RBFOX1: variants seen among roughly 807,000 people sequenced by gnomAD.
RBFOX1 encodes RNA binding protein fox-1 homolog 1.
In RBFOX1, 8 loss-of-function variants were observed where a neutral mutation model predicts 57.7. That is an observed-to-expected ratio of 0.14 (90% confidence interval 0.08 to 0.25). The LOEUF (loss-of-function observed/expected upper bound fraction) is 0.25, where lower values mean the gene tolerates loss of function less well. Ranked by LOEUF, RBFOX1 falls within the 10% of genes least tolerant of loss-of-function variation. The pLI is 1.00. For missense variants in RBFOX1, 611 were observed against 548.5 expected (o/e 1.11, Z -1.14); for synonymous variants, 326 against 222.4 (o/e 1.47, Z -4.15).
chr16:5,799,646 ATGTGTTCTGAG>A (rs2054995025), intron 3 of RBFOX1, among the ~76,000 whole-genome samples: 1 of 152,166 alleles, frequency 6.6e-6, no homozygotes. Context: ...CTGTAGGCTC[ATGTGTTCTGAG>A]TGTGTTCAAG....
chr16:6,542,481 G>GTTTTTTT (rs1567617665), intron 2 of RBFOX1, among the ~76,000 whole-genome samples: 3 of 37,148 alleles, frequency 8.1e-5, no homozygotes, highest in Non-Finnish European at 1.1e-4. Flanking sequence ...TGGGACCATA[G>GTTTTTTT]TCTTTTTTTT....
rs538873515 is a variant in RBFOX1 at position 7,174,520 on chromosome 16, C to T, written c.27+122422C>T. Among the ~76,000 whole-genome samples the T allele has an allele frequency of 6.6e-5, 10 of 152,306 alleles. No homozygotes were observed. In the South Asian group the frequency reaches 2.1e-3, roughly 32 times the overall value. On this transcript the variant is annotated intron_variant, in intron 4 of 15. Transcript: ENST00000550418. ...AACTGGCTGGGCGCAGTGGCTCACACCTGCAATCCCAGCCCTTTGGGAGGC... is the reference window on the plus strand; with the variant it reads ...AACTGGCTGGGCGCAGTGGCTCACATCTGCAATCCCAGCCCTTTGGGAGGC...
chr16:7,552,254 C>G lies in RBFOX1; in HGVS notation c.271-27523C>G, dbSNP rs1483842803. On this transcript the variant is annotated intron_variant, in intron 5 of 15. Transcript: ENST00000550418. ...TTACAACTTGTTTTCAGGTATGCTT[C>G]TTTATTTCCATGTCTATGAGAGCTT... Among the ~76,000 whole-genome samples the G allele has an allele frequency of 2.0e-5, 3 of 152,076 alleles. No individual in the cohort carries two copies. In the East Asian group the frequency reaches 5.8e-4, roughly 29 times the overall value.
At chr16:7,498,730 C>T (rs1235359081) in intron 4 of RBFOX1, among the ~76,000 whole-genome samples, 9 of 152,158 alleles carry the variant, frequency 5.9e-5, no homozygotes. Context: ...CCAATGACCA[C>T]ACATGGCTAG....
At chr16:7,205,393 C>A (rs1373911041) in intron 4 of RBFOX1, among the ~76,000 whole-genome samples, 1 of 151,846 alleles carries the variant, frequency 6.6e-6, no homozygotes, top group Non-Finnish European at 1.5e-5. Flanking sequence ...TGGTGCTCTC[C>A]TGTAATCCCA....
At chr16:6,530,988 G>C (rs765844229) in intron 2 of RBFOX1, among the ~76,000 whole-genome samples, 3 of 152,154 alleles carry the variant, frequency 2.0e-5, no homozygotes, top group African/African-American at 7.2e-5. Flanking sequence ...CCTGGTGTCT[G>C]TTCCAACCAT....
intron 1 of RBFOX1, among the ~76,000 whole-genome samples, chr16:6,140,068 T>A (rs775829666): frequency 1.3e-5 from 2 of 152,222 alleles, no homozygotes; most frequent in Non-Finnish European, 1.5e-5. Context: ...TTTCTCTGAA[T>A]GTTTGGGAGG....
intron 5 of RBFOX1, among the ~76,000 whole-genome samples, chr16:7,540,441 C>G (rs577802999): frequency 6.6e-6 from 1 of 152,198 alleles, no homozygotes; most frequent in Non-Finnish European, 1.5e-5. Context: ...CACAACTACT[C>G]TGTGTTATTT....
At chr16:7,292,844 G>C (rs940891529) in intron 4 of RBFOX1, among the ~76,000 whole-genome samples, 2 of 152,112 alleles carry the variant, frequency 1.3e-5, no homozygotes, top group Admixed American at 6.6e-5. Context: ...TACAGGTTTG[G>C]TTTGGAAAGA....
At chr16:5,922,014 C>G (rs145091927) in intron 4 of RBFOX1, among the ~76,000 whole-genome samples, 1,974 of 151,884 alleles carry the variant, frequency 0.013, 16 homozygotes, top group Middle Eastern at 0.034. Context: ...AAGAAAAATT[C>G]GCCGGGCATG....
At chr16:5,268,834 T>G (rs1024202176) in intron 1 of RBFOX1, among the ~76,000 whole-genome samples, 1 of 152,236 alleles carries the variant, frequency 6.6e-6, no homozygotes, top group Non-Finnish European at 1.5e-5. Flanking sequence ...TTTCTCACAG[T>G]GGCTACACCA....
At chr16:7,171,986 G>C (rs1285898400) in intron 4 of RBFOX1, among the ~76,000 whole-genome samples, 5 of 152,150 alleles carry the variant, frequency 3.3e-5, no homozygotes, top group Non-Finnish European at 7.3e-5. Flanking sequence ...GTGTAGTATA[G>C]TAGGAAGAAT....
At chr16:7,458,247 A>T (rs1426037040) in intron 4 of RBFOX1, among the ~76,000 whole-genome samples, 1 of 152,066 alleles carries the variant, frequency 6.6e-6, no homozygotes, top group African/African-American at 2.4e-5. Context: ...AAGGTTTGCA[A>T]AGGACCAGCG....
intron 2 of RBFOX1, among the ~76,000 whole-genome samples, chr16:6,560,472 C>G (rs920933947): frequency 6.6e-6 from 1 of 151,982 alleles, no homozygotes; most frequent in East Asian, 1.9e-4. Context: ...TGAAAACAGT[C>G]AAAGCAAAAG....
intron 4 of RBFOX1, among the ~76,000 whole-genome samples, chr16:7,124,746 T>G (rs754645927): frequency 6.6e-6 from 1 of 151,910 alleles, no homozygotes; most frequent in Non-Finnish European, 1.5e-5. Context: ...TAGCTGGCTT[T>G]AGTTCAGTGA....
intron 3 of RBFOX1, among the ~76,000 whole-genome samples, chr16:5,754,254 T>C (rs2053319262): frequency 6.6e-6 from 1 of 152,196 alleles, no homozygotes; most frequent in African/African-American, 2.4e-5. Flanking sequence ...GTACCTTCCC[T>C]GTAAGCGTCT....
chr16:5,606,523 T>C (rs2047586609), intron 3 of RBFOX1, among the ~76,000 whole-genome samples: 1 of 151,910 alleles, frequency 6.6e-6, no homozygotes, highest in Admixed American at 6.6e-5. Context: ...CTCTTCCTCA[T>C]TCCACCCCCA....
intron 4 of RBFOX1, among the ~76,000 whole-genome samples, chr16:7,480,830 T>G (rs2063752799): frequency 6.6e-6 from 1 of 152,132 alleles, no homozygotes; most frequent in South Asian, 2.1e-4. Flanking sequence ...AGAAAGCAGC[T>G]GGGAATTGAA....
intron 3 of RBFOX1, among the ~76,000 whole-genome samples, chr16:6,942,064 A>C (rs2078631097): frequency 6.6e-6 from 1 of 152,146 alleles, no homozygotes; most frequent in African/African-American, 2.4e-5. Context: ...CCCCATCTTT[A>C]CTAAAAATAA....
Sources: allele counts gnomAD v4.1 joint callset (sites outside exome capture counted in the v4.1 genomes callset), GRCh38; gene constraint gnomAD v4.1.1; transcripts MANE v1.5; gene names NCBI Gene and HGNC (gene_info 2026-07-23, HGNC 2026-07-21).